The following MAP3K2 variants were observed in gnomAD, a reference collection of about 807,000 sequenced individuals.
The protein encoded by MAP3K2 is MAP/ERK kinase kinase 2.
Under a neutral mutation model 80.3 loss-of-function variants are expected in MAP3K2, and 24 were observed. The observed-to-expected ratio is 0.30, with a 90% CI of 0.22 to 0.42. MAP3K2 has a LOEUF of 0.42. Ranked by LOEUF, MAP3K2 falls within the 10% of genes least tolerant of loss-of-function variation. The probability of loss-of-function intolerance (pLI) is 1.00; values close to 1 mark genes in which losing one functional copy is unlikely to be tolerated. For synonymous variants in MAP3K2, 244 were observed against 253.7 expected, an observed-to-expected ratio of 0.96 and a Z score of 0.36; for missense variants, 608 against 750.1, an observed-to-expected ratio of 0.81 and a Z score of 2.21.
Position 127,316,961 on chromosome 2 carries a change from T to C in MAP3K2, c.1326+668A>G, listed in dbSNP as rs1195726768. 3.3e-5 allele frequency: 5 copies of C among 151,210 alleles called. No homozygotes were observed. The Admixed American group carries it at 3.3e-4, about 10-fold the overall frequency. The allele number at this position is 151,210 out of a possible 1,614,324, so 9.4% of individuals were successfully genotyped here. On this transcript the variant is annotated intron_variant, in intron 14 of 16. Transcript: ENST00000682094. ...TGTGCAAGGATGACACGCAAATTTGTAAAGCATTCCATATAACTAAAATTA... is the reference window on the plus strand; with the variant it reads ...TGTGCAAGGATGACACGCAAATTTGCAAAGCATTCCATATAACTAAAATTA...
At chr2:127,348,113 G>C (rs998190820) in intron 1 of MAP3K2, among the ~76,000 whole-genome samples, 1 of 152,074 alleles carries the variant, frequency 6.6e-6, no homozygotes, top group Non-Finnish European at 1.5e-5. Flanking sequence ...ATGTGTGGTG[G>C]CTTACAGATT....
chr2:127,325,320 CAAA>C (rs935451347), intron 9 of MAP3K2, among the ~76,000 whole-genome samples: 20 of 152,186 alleles, frequency 1.3e-4, no homozygotes, highest in African/African-American at 4.8e-4. Context: ...GAATGTAGCA[CAAA>C]AAAGTTACTG....
intron 1 of MAP3K2, among the ~76,000 whole-genome samples, chr2:127,353,805 G>A (rs1464363038): frequency 1.3e-5 from 2 of 152,100 alleles, no homozygotes; most frequent in Non-Finnish European, 2.9e-5. Flanking sequence ...TAGAAAAGGG[G>A]GAAAGGTGGG....
At chr2:127,371,527 G>T (rs1464579598) in intron 1 of MAP3K2, among the ~76,000 whole-genome samples, 2 of 152,140 alleles carry the variant, frequency 1.3e-5, no homozygotes, top group African/African-American at 4.8e-5. Context: ...TCACACCCAG[G>T]ACTGATATCT....
At chr2:127,336,929 T>G (rs976779440) in intron 4 of MAP3K2, among the ~76,000 whole-genome samples, 2 of 152,122 alleles carry the variant, frequency 1.3e-5, no homozygotes, top group Non-Finnish European at 2.9e-5. Flanking sequence ...TCATCTGAGG[T>G]CAGGAGTTCG....
intron 2 of MAP3K2, among the ~76,000 whole-genome samples, chr2:127,340,938 G>A (rs1686467783): frequency 6.6e-6 from 1 of 152,018 alleles, no homozygotes; most frequent in African/African-American, 2.4e-5. Flanking sequence ...CCTTGGGGGA[G>A]GGCCTTTGGC....
At chr2:127,355,905 T>C (rs1027953341) in intron 1 of MAP3K2, among the ~76,000 whole-genome samples, 2 of 152,128 alleles carry the variant, frequency 1.3e-5, no homozygotes, top group African/African-American at 4.8e-5. Flanking sequence ...ACATTCTAAA[T>C]CTTTTGTTGT....
At chr2:127,379,766 T>C (rs1435840695) in intron 1 of MAP3K2, among the ~76,000 whole-genome samples, 1 of 152,192 alleles carries the variant, frequency 6.6e-6, no homozygotes, top group Non-Finnish European at 1.5e-5. Flanking sequence ...AAAAGCAGCA[T>C]GTTAGGAGCA....
At position 127,302,463 on chromosome 2, in the gene MAP3K2, ATG is replaced by A. The variant is rs1047970654; in HGVS notation, c.*5114_*5115del. The A allele has an allele frequency of 8.0e-5, 10 of 125,286 alleles. No individual in the cohort carries two copies. Among genetic ancestry groups the A allele is most frequent in the African/African-American group, 3.4e-4 (10 of 29,846 alleles). 7.8% of individuals were successfully genotyped at this position (125,286 alleles called of 1,614,324 possible). On this transcript the variant is annotated 3_prime_UTR_variant, in exon 17 of 17. Coordinates refer to ENST00000682094, the MANE Select transcript of MAP3K2 (RefSeq NM_001371910.2). Reference sequence around the variant, plus strand: ...TAACCACACACACACACACACACACATGCATGCAAACGCACACATACATGCAC... The same window carrying A: ...TAACCACACACACACACACACACACACATGCAAACGCACACATACATGCAC...
rs952682222 is a variant in MAP3K2 at position 127,387,734 on chromosome 2, C to T, written c.-348G>A. ...TCCTCGGCACTTCTAGCCGCTGCAA[C>T]CCCGAGGCCCGCGGGAACTGGGCAG... On this transcript the variant is annotated 5_prime_UTR_variant, in exon 1 of 17. Coordinates refer to ENST00000682094, the MANE Select transcript of MAP3K2 (RefSeq NM_001371910.2). 4.1e-6 allele frequency: 4 copies of T among 984,980 alleles called. No homozygotes were observed. The highest frequency in any genetic ancestry group is 3.6e-6 in the Non-Finnish European group (3 of 829,778). 61.0% of individuals were successfully genotyped at this position (984,980 alleles called of 1,614,324 possible). A position where few individuals can be genotyped will look rare whatever the true frequency, so the allele number is the denominator to read the frequency against.
chr2:127,351,311 G>C (rs1456856185), intron 1 of MAP3K2, among the ~76,000 whole-genome samples: 1 of 152,034 alleles, frequency 6.6e-6, no homozygotes, highest in Non-Finnish European at 1.5e-5. Context: ...CTTATTGATA[G>C]CAATTACAAA....
At chr2:127,383,523 T>C (rs934841090) in intron 1 of MAP3K2, among the ~76,000 whole-genome samples, 2 of 152,254 alleles carry the variant, frequency 1.3e-5, no homozygotes, top group African/African-American at 2.4e-5. Context: ...TGTACACTGA[T>C]TTTGTATTGA....
At chr2:127,324,379 T>C (rs1573984265) in intron 9 of MAP3K2, 138 bp from the exon 10 acceptor site, 1 of 517,900 alleles carries the variant, frequency 1.9e-6, no homozygotes, top group East Asian at 3.2e-5. Flanking sequence ...AAGGTTAGCA[T>C]ACCTAAAAAA....
At chr2:127,367,290 G>T (rs1015101709) in intron 1 of MAP3K2, among the ~76,000 whole-genome samples, 2 of 152,070 alleles carry the variant, frequency 1.3e-5, no homozygotes, top group Non-Finnish European at 2.9e-5. Context: ...GAGCAACTAA[G>T]AAGTTTTGTA....
chr2:127,381,194 T>C (rs1254401836), intron 1 of MAP3K2, among the ~76,000 whole-genome samples: 1 of 152,166 alleles, frequency 6.6e-6, no homozygotes, highest in African/African-American at 2.4e-5. Context: ...CATATAATGG[T>C]AGGAATGATC....
intron 2 of MAP3K2, among the ~76,000 whole-genome samples, chr2:127,340,150 GTTTATTAA>G (rs1667720259): frequency 6.6e-6 from 1 of 152,014 alleles, no homozygotes; most frequent in African/African-American, 2.4e-5. Context: ...GGTTTTATTG[GTTTATTAA>G]TTTATTAATA....
rs1491217473 is a variant in MAP3K2 at position 127,346,409 on chromosome 2, TTA to T, written c.-65-3217_-65-3216del. Among the ~76,000 whole-genome samples the T allele has an allele frequency of 3.3e-3, 284 of 85,364 alleles. 7 individuals carry two copies. Among genetic ancestry groups the T allele is most frequent in the African/African-American group, 9.8e-3 (239 of 24,408 alleles). 56.0% of individuals were successfully genotyped at this position (85,364 alleles called of 152,430 possible). A position where few individuals can be genotyped will look rare whatever the true frequency, so the allele number is the denominator to read the frequency against. ...TTTACAGAATTTACAAAAACTGGTT[TTA>T]AAAAAAAAAAAAAAAAAAAAAGAAG... On this transcript the variant is annotated intron_variant, in intron 1 of 16. Coordinates refer to ENST00000682094, the MANE Select transcript of MAP3K2 (RefSeq NM_001371910.2).
intron 1 of MAP3K2, among the ~76,000 whole-genome samples, chr2:127,346,915 G>T (rs1686605242): frequency 6.6e-6 from 1 of 152,076 alleles, no homozygotes; most frequent in African/African-American, 2.4e-5. Context: ...TTGAACCTGG[G>T]AGGCAGAGGT....
intron 4 of MAP3K2, among the ~76,000 whole-genome samples, chr2:127,336,372 A>G (rs1037922062): frequency 6.6e-6 from 1 of 152,220 alleles, no homozygotes; most frequent in African/African-American, 2.4e-5. Context: ...TCAAATTTTG[A>G]TTTCTGTATC....
Sources: allele counts gnomAD v4.1 joint callset (sites outside exome capture counted in the v4.1 genomes callset), GRCh38; gene constraint gnomAD v4.1.1; transcripts MANE v1.5; gene names NCBI Gene and HGNC (gene_info 2026-07-23, HGNC 2026-07-21).